Variants in ARHGEF18 observed in about 807,000 individuals in gnomAD.
ARHGEF18 encodes rho guanine nucleotide exchange factor 18.
ARHGEF18 carries 93 observed loss-of-function variants against 155.7 expected under a neutral mutation model. That is an observed-to-expected ratio of 0.60 (90% confidence interval 0.50 to 0.71). The LOEUF is 0.71. Among genes scored for constraint, ARHGEF18 ranks in the 30% least tolerant of loss-of-function variants. The pLI, the probability that ARHGEF18 is intolerant of heterozygous loss-of-function variation, is 0.00. For missense variants in ARHGEF18, 1,593 were observed against 1,816.1 expected (o/e 0.88, Z 2.23); for synonymous variants, 742 against 753.1 (o/e 0.99, Z 0.24).
At chr19:7,412,471 G>A (rs1012743369) in intron 10 of ARHGEF18, among the ~76,000 whole-genome samples, 5 of 151,588 alleles carry the variant, frequency 3.3e-5, no homozygotes, top group African/African-American at 9.7e-5. Context: ...GGCCAGGAAC[G>A]GTGGCTCAGC....
chr19:7,362,813 G>T lies in ARHGEF18; in HGVS notation c.-78G>T. 2 of 1,234,198 alleles carry T rather than the reference G, an allele frequency of 1.6e-6. No individual in the cohort carries two copies. Among genetic ancestry groups the T allele is most frequent in the South Asian group, 8.2e-5 (2 of 24,352 alleles). The allele number at this position is 1,234,198 out of a possible 1,614,324, so 76.5% of individuals were successfully genotyped here. On this transcript the variant is annotated 5_prime_UTR_variant, in exon 2 of 29. It removes the in-frame stop codon of an upstream open reading frame in the 5' UTR. Transcript: ENST00000668164. ...GCCCAAGTCATGTGTCCAGCCTTTT[G>T]ACTCTGGAGCTGTGGCTTCAGCCAC...
intron 2 of ARHGEF18, among the ~76,000 whole-genome samples, chr19:7,369,379 T>G (rs1970095091): frequency 6.6e-6 from 1 of 151,416 alleles, no homozygotes; most frequent in Non-Finnish European, 1.5e-5. Context: ...GAGAATCGCT[T>G]GAACCCAGGA....
intron 10 of ARHGEF18, among the ~76,000 whole-genome samples, chr19:7,396,286 C>T (rs1005743723): frequency 6.6e-6 from 1 of 152,154 alleles, no homozygotes; most frequent in African/African-American, 2.4e-5. Flanking sequence ...GGAGATGAAG[C>T]TCCAGCCAGT....
chr19:7,479,773 T>C, the ARHGEF18 span, among the ~76,000 whole-genome samples: 20,563 of 152,224 alleles, frequency 0.14, 1,638 homozygotes, highest in Non-Finnish European at 0.19. Flanking sequence ...TCCAAACCCA[T>C]AGGATGCCCA....
intron 10 of ARHGEF18, among the ~76,000 whole-genome samples, chr19:7,396,451 C>T (rs1600288111): frequency 6.6e-6 from 1 of 152,106 alleles, no homozygotes; most frequent in Non-Finnish European, 1.5e-5. Flanking sequence ...GGCGCGGTGG[C>T]TCAAGCCTGT....
chr19:7,398,681 ACT>A (rs1442963766), intron 10 of ARHGEF18, among the ~76,000 whole-genome samples: 2 of 147,902 alleles, frequency 1.4e-5, no homozygotes, highest in Non-Finnish European at 3.0e-5. Context: ...ACAGAGCTAG[ACT>A]CTGTCTCAAA....
At chr19:7,479,073 C>T in the ARHGEF18 span, among the ~76,000 whole-genome samples, 1 of 152,248 alleles carries the variant, frequency 6.6e-6, no homozygotes, top group East Asian at 1.9e-4. Flanking sequence ...CACAACTCCT[C>T]TGGCCACTGG....
rs998669858 is a variant in ARHGEF18, at chr19:7,444,187, C to G, written c.1361-17C>G. 1 of 1,607,332 alleles carries G rather than the reference C, an allele frequency of 6.2e-7. No individual in the cohort carries two copies. ...TGGAGCCAGCATGGCTAAGTCCTGC[C>G]GTCTGTGTCCCTGCAGAGCTGATGC... On this transcript the variant is annotated splice_polypyrimidine_tract_variant and intron_variant, in intron 13 of 28. Transcript: ENST00000668164. The surrounding 1 kb of genome is among the most constrained non-coding windows in gnomAD (Gnocchi z 4.7).
intron 2 of ARHGEF18, among the ~76,000 whole-genome samples, chr19:7,363,861 A>G: frequency 6.6e-6 from 1 of 150,516 alleles, no homozygotes; most frequent in South Asian, 2.1e-4. Flanking sequence ...AAAAGGAAGG[A>G]AAAAAGGAAG....
intron 1 of ARHGEF18, among the ~76,000 whole-genome samples, chr19:7,360,154 AAACAAC>A (rs144434108): frequency 1.4e-3 from 217 of 151,826 alleles, no homozygotes; most frequent in African/African-American, 4.8e-3. Context: ...TCTTGAAACA[AAACAAC>A]AACAACAACA....
Position 7,468,805 on chromosome 19 carries a change from A to T in ARHGEF18, c.3481-20A>T. 2 of 1,521,754 alleles carry T rather than the reference A, an allele frequency of 1.3e-6. No individual in the cohort carries two copies. Among genetic ancestry groups the T allele is most frequent in the South Asian group, 2.5e-5 (2 of 80,064 alleles). 94.3% of individuals were successfully genotyped at this position (1,521,754 alleles called of 1,614,324 possible). A position where few individuals can be genotyped will look rare whatever the true frequency, so the allele number is the denominator to read the frequency against. ...ACAGCAGGAACCTCACATTGGATGT[A>T]TCTGCTGTTGTCCCCTCAGGCCCAG... On this transcript the variant is annotated intron_variant, in intron 26 of 28. Transcript: ENST00000668164.
Position 7,458,530 on chromosome 19 carries a change from A to T in ARHGEF18, c.2200A>T (p.Ile734Phe), listed in dbSNP as rs778561088. The T allele has an allele frequency of 6.2e-7, 1 of 1,614,036 alleles. No individual in the cohort carries two copies. Among genetic ancestry groups the T allele is most frequent in the South Asian group, 1.1e-5 (1 of 91,082 alleles). ...FASVDSKPPV[I>F]SLQKLIVREV... ...CATGCAGGACTCAAAGCCACCCGTC[A>T]TCTCGTTACAAAAGCTCATCGTGAG... is the stretch of plus-strand genomic sequence containing the variant. The change falls in exon 19 of 29, where the codon ATC becomes TTC. Residue 734 changes from isoleucine (I) to phenylalanine (F), a missense_variant. Ile to Phe is a conservative substitution (Grantham distance 21, BLOSUM62 0). Transcript: ENST00000668164.
intron 3 of ARHGEF18, among the ~76,000 whole-genome samples, chr19:7,375,061 G>C (rs74662412): frequency 0.2 from 30,275 of 151,826 alleles, 6,831 homozygotes; most frequent in African/African-American, 0.55. Context: ...CACTTGAGGT[G>C]AGGAGTTCGA....
chr19:7,351,917 A>G (rs1246414789), intron 1 of ARHGEF18, among the ~76,000 whole-genome samples: 1 of 151,298 alleles, frequency 6.6e-6, no homozygotes, highest in Non-Finnish European at 1.5e-5. Flanking sequence ...CTGGTCTTGA[A>G]TTCCTGACCT....
rs375535893 is a variant in ARHGEF18 at position 7,396,437 on chromosome 19, G to A, written c.967+13234G>A. ...CCAGCTGTAAGAGGTGTCAGGAGAG[G>A]CTGGGCGCGGTGGCTCAAGCCTGTA... On this transcript the variant is annotated intron_variant, in intron 10 of 28. Coordinates refer to ENST00000668164, the MANE Select transcript of ARHGEF18 (RefSeq NM_001367823.1). Among the ~76,000 whole-genome samples, 9 of 152,134 alleles carry A rather than the reference G, an allele frequency of 5.9e-5. 1 individual carries two copies. Among genetic ancestry groups the A allele is most frequent in the East Asian group, 5.8e-4 (3 of 5,192 alleles).
intron 10 of ARHGEF18, among the ~76,000 whole-genome samples, chr19:7,426,833 C>T (rs1024593213): frequency 2.6e-5 from 4 of 152,240 alleles, no homozygotes; most frequent in Admixed American, 6.5e-5. Flanking sequence ...GGAAAAGTGG[C>T]GTCGATTGGT....
downstream of ARHGEF18, among the ~76,000 whole-genome samples, chr19:7,474,967 C>T (rs1015464259): frequency 2.6e-5 from 4 of 152,216 alleles, no homozygotes; most frequent in Non-Finnish European, 4.4e-5. Context: ...GGCACGGTGG[C>T]CCACGCCTAT....
chr19:7,376,773 G>A lies in ARHGEF18; in HGVS notation c.541+16G>A, dbSNP rs910303815. 4.9e-6 allele frequency: 6 copies of A among 1,231,186 alleles called. No individual in the cohort carries two copies. Among genetic ancestry groups the A allele is most frequent in the Admixed American group, 8.4e-5 (2 of 23,694 alleles). 76.3% of individuals were successfully genotyped at this position (1,231,186 alleles called of 1,614,324 possible). A position where few individuals can be genotyped will look rare whatever the true frequency, so the allele number is the denominator to read the frequency against. On this transcript the variant is annotated intron_variant, in intron 5 of 28. Coordinates refer to ENST00000668164, the MANE Select transcript of ARHGEF18 (RefSeq NM_001367823.1). ...CCTGTTCAAGGTAGCCAGCCTGGGAGTTTCCTTCATTCAAACCAAGTCAGG... is the reference window on the plus strand; with the variant it reads ...CCTGTTCAAGGTAGCCAGCCTGGGAATTTCCTTCATTCAAACCAAGTCAGG...
intron 2 of ARHGEF18, among the ~76,000 whole-genome samples, chr19:7,369,889 G>T (rs1970121410): frequency 6.6e-6 from 1 of 151,262 alleles, no homozygotes; most frequent in African/African-American, 2.4e-5. Flanking sequence ...AGAGCGAGAT[G>T]CCGTCTCAAA....
Sources: gnomAD v4.1 joint callset for allele counts (sites outside exome capture counted in the v4.1 genomes callset) on GRCh38, gnomAD v4.1.1 for gene constraint, Gnocchi (gnomAD v3.1) non-coding constraint, MANE v1.5 for transcripts, NCBI Gene and HGNC (gene_info 2026-07-23, HGNC 2026-07-21) for gene names.